The following WWP2 variants were observed in gnomAD, a reference collection of about 807,000 sequenced individuals.
WWP2 encodes the protein NEDD4-like E3 ubiquitin-protein ligase WWP2.
In WWP2, 57 loss-of-function variants were observed where a neutral mutation model predicts 121.0. The observed-to-expected ratio is 0.47, with a 90% CI of 0.38 to 0.59. The LOEUF is 0.59. Among genes scored for constraint, WWP2 ranks in the 20% least tolerant of loss-of-function variants. The pLI is 0.00. For synonymous variants in WWP2, 449 were observed against 441.3 expected (o/e 1.02, Z -0.22); for missense variants, 962 against 1,158.9 (o/e 0.83, Z 2.47).
chr16:69,915,012 G>A (rs1438609612), intron 9 of WWP2, among the ~76,000 whole-genome samples: 1 of 152,200 alleles, frequency 6.6e-6, no homozygotes, highest in Non-Finnish European at 1.5e-5. Flanking sequence ...AGGAGGAGGA[G>A]AAGGGAAGGC....
intron 7 of WWP2, among the ~76,000 whole-genome samples, chr16:69,883,079 G>A (rs946987346): frequency 6.6e-6 from 1 of 151,950 alleles, no homozygotes; most frequent in Non-Finnish European, 1.5e-5. Context: ...CTTGAACCCA[G>A]GAGGTGGAGG....
At chr16:69,834,241 A>G (rs1209982477) in intron 4 of WWP2, among the ~76,000 whole-genome samples, 1 of 152,028 alleles carries the variant, frequency 6.6e-6, no homozygotes, top group East Asian at 1.9e-4. Flanking sequence ...GCTCCACTCC[A>G]GCTGCCCTGG....
At chr16:69,929,557 G>C in intron 12 of WWP2, 28 bp downstream of exon 12, 2 of 1,601,314 alleles carry the variant, frequency 1.2e-6, no homozygotes, top group Non-Finnish European at 1.7e-6. Context: ...GAGGGGGGCC[G>C]GGCTGGGCTG....
chr16:69,791,283 A>T (rs1489705123), intron 2 of WWP2, among the ~76,000 whole-genome samples: 1 of 150,428 alleles, frequency 6.6e-6, no homozygotes, highest in African/African-American at 2.5e-5. Flanking sequence ...GCTGGAGTGC[A>T]GTGGCGTGAT....
In WWP2 at chr16:69,868,205, C is replaced by T. The variant is rs376424183; in HGVS notation, c.576-3599C>T. ...TGTGTTGGGGGGTGGTGGCTGGCCA[C>T]GGGCAGGGAGGTGGCAGTTCATGCA... is the stretch of plus-strand genomic sequence containing the variant. On this transcript the variant is annotated intron_variant, in intron 6 of 23. Transcript: ENST00000359154. 1.1e-4 allele frequency among the ~76,000 whole-genome samples: 17 copies of T among 152,256 alleles called. 2 individuals are homozygous for T. The highest frequency in any genetic ancestry group is 3.9e-4 in the East Asian group (2 of 5,180).
At chr16:69,872,528 C>G (rs375253050) in intron 7 of WWP2, among the ~76,000 whole-genome samples, 2 of 152,184 alleles carry the variant, frequency 1.3e-5, no homozygotes, top group Non-Finnish European at 2.9e-5. Context: ...CTATTCATTT[C>G]TTATCTGCAT....
chr16:69,882,410 A>G (rs72785055), intron 7 of WWP2, among the ~76,000 whole-genome samples: 7,892 of 151,492 alleles, frequency 0.052, 273 homozygotes, highest in Middle Eastern at 0.11. Context: ...CTTTTGCTAG[A>G]TTATTGGGCT....
intron 4 of WWP2, among the ~76,000 whole-genome samples, chr16:69,822,764 T>C (rs982145606): frequency 4.6e-5 from 7 of 152,192 alleles, no homozygotes; most frequent in Admixed American, 3.9e-4. Flanking sequence ...AGGCAGGTGC[T>C]AGATCAGTGC....
chr16:69,909,379 G>C (rs1294498591), intron 9 of WWP2: 2 of 986,242 alleles, frequency 2.0e-6, no homozygotes, highest in Non-Finnish European at 2.4e-6. Flanking sequence ...AAGGGCTCCT[G>C]TATAAAATAT....
intron 13 of WWP2, 98 bp from the exon 14 acceptor site, chr16:69,931,054 A>T: frequency 8.6e-7 from 1 of 1,166,592 alleles, no homozygotes; most frequent in Non-Finnish European, 1.3e-6. Context: ...ACTAATCTTT[A>T]AATTAACATA....
chr16:69,776,108 A>T (rs1187527172), intron 1 of WWP2: 1 of 152,228 alleles, frequency 6.6e-6, no homozygotes, highest in Non-Finnish European at 1.5e-5. Context: ...CTATAGCCTC[A>T]TGGTCAAATC....
chr16:69,794,487 C>A (rs1002868123), intron 2 of WWP2, among the ~76,000 whole-genome samples: 1 of 151,914 alleles, frequency 6.6e-6, no homozygotes, highest in Non-Finnish European at 1.5e-5. Context: ...TGAGATTGCA[C>A]CACTGCACTC....
chr16:69,850,641 C>CA (rs1597052847), intron 6 of WWP2, among the ~76,000 whole-genome samples: 2 of 152,204 alleles, frequency 1.3e-5, no homozygotes, highest in East Asian at 3.9e-4. Flanking sequence ...TCACTGCAGG[C>CA]AGAGGGTACA....
intron 4 of WWP2, among the ~76,000 whole-genome samples, chr16:69,837,370 G>A (rs1224292853): frequency 3.3e-5 from 5 of 152,200 alleles, no homozygotes; most frequent in Non-Finnish European, 2.9e-5. Flanking sequence ...CCAGCCCATT[G>A]GCTCTTTTTG....
rs952316854 is a variant in WWP2 at position 69,787,184 on chromosome 16, A to C, written c.70+104A>C. The C allele has an allele frequency of 7.6e-6, 6 of 788,544 alleles. No individual in the cohort carries two copies. In the Admixed American group the frequency reaches 1.3e-4, roughly 17 times the overall value. 48.8% of individuals were successfully genotyped at this position (788,544 alleles called of 1,614,324 possible). On this transcript the variant is annotated intron_variant, in intron 2 of 23. Transcript: ENST00000359154. ...AGCCAAATTTTGTGAAATAGTTTAC[A>C]TGTGTTAATTATTTATTCTCATGGG...
intron 4 of WWP2, among the ~76,000 whole-genome samples, chr16:69,827,283 T>A (rs560733489): frequency 6.6e-6 from 1 of 152,206 alleles, no homozygotes; most frequent in South Asian, 2.1e-4. Context: ...TTTGTATACT[T>A]ATTTTTACAT....
At chr16:69,835,093 T>C (rs937643644) in intron 4 of WWP2, among the ~76,000 whole-genome samples, 4 of 152,092 alleles carry the variant, frequency 2.6e-5, no homozygotes, top group Admixed American at 2.6e-4. Flanking sequence ...ATTCCAGTTA[T>C]GGAAATAGAC....
At chr16:69,834,065 C>T (rs2056834831) in intron 4 of WWP2, among the ~76,000 whole-genome samples, 1 of 152,240 alleles carries the variant, frequency 6.6e-6, no homozygotes, top group African/African-American at 2.4e-5. Flanking sequence ...CAGCCCTTCT[C>T]CTGTAGCCAG....
chr16:69,868,268 G>A (rs901772236), intron 6 of WWP2, among the ~76,000 whole-genome samples: 1 of 151,104 alleles, frequency 6.6e-6, no homozygotes, highest in African/African-American at 2.4e-5. Flanking sequence ...GGCTGATCCC[G>A]CCCTGCCCAG....
Sources: gnomAD v4.1 joint callset for allele counts (sites outside exome capture counted in the v4.1 genomes callset) on GRCh38, gnomAD v4.1.1 for gene constraint, MANE v1.5 for transcripts, NCBI Gene and HGNC (gene_info 2026-07-23, HGNC 2026-07-21) for gene names.